AKAP13: variants seen among roughly 807,000 people sequenced by gnomAD.
AKAP13 encodes A-kinase anchor protein 13.
AKAP13 carries 80 observed loss-of-function variants against 264.5 expected under a neutral mutation model. The observed-to-expected ratio is 0.30, with a 90% CI of 0.25 to 0.36. The LOEUF is 0.36. Among genes scored for constraint, AKAP13 ranks in the 10% least tolerant of loss-of-function variants. The probability of loss-of-function intolerance (pLI) is 1.00; values close to 1 mark genes in which losing one functional copy is unlikely to be tolerated. For synonymous variants in AKAP13, 1,380 were observed against 1,250.2 expected (o/e 1.10, Z -2.19); for missense variants, 3,712 against 3,435.2 (o/e 1.08, Z -2.01).
intron 1 of AKAP13, among the ~76,000 whole-genome samples, chr15:85,410,080 G>T (rs1009859766): frequency 6.6e-6 from 1 of 151,554 alleles, no homozygotes; most frequent in Non-Finnish European, 1.5e-5. Flanking sequence ...AAAAAGGGTT[G>T]GTATTCACTT....
intron 10 of AKAP13, among the ~76,000 whole-genome samples, chr15:85,649,439 C>T (rs1567174677): frequency 6.6e-6 from 1 of 152,220 alleles, no homozygotes; most frequent in East Asian, 1.9e-4. Flanking sequence ...GTGTGCTATG[C>T]AAAATATCAG....
At chr15:85,528,098 G>C (rs1437556522) in intron 3 of AKAP13, among the ~76,000 whole-genome samples, 1 of 152,124 alleles carries the variant, frequency 6.6e-6, no homozygotes, top group African/African-American at 2.4e-5. Flanking sequence ...AGTAATTCTT[G>C]GGCTGTGCTT....
At chr15:85,662,439 C>CT in intron 12 of AKAP13, 1 of 1,614,154 alleles carries the variant, frequency 6.2e-7, no homozygotes. Context: ...TGAGTGCTGA[C>CT]TTTAATTACA....
chr15:85,678,984 A>G (rs909891194), intron 14 of AKAP13, among the ~76,000 whole-genome samples: 1 of 152,068 alleles, frequency 6.6e-6, no homozygotes, highest in Non-Finnish European at 1.5e-5. Context: ...TCATGCCTGT[A>G]ATCCCAGCAC....
chr15:85,743,992 C>T (rs998146887), intron 36 of AKAP13, 167 bp downstream of exon 36: 40 of 768,774 alleles, frequency 5.2e-5, no homozygotes, highest in African/African-American at 3.9e-4. Context: ...ACTCATGCAG[C>T]GAACATTAAG....
At chr15:85,630,489 G>A (rs1305453713) in intron 8 of AKAP13, among the ~76,000 whole-genome samples, 1 of 152,096 alleles carries the variant, frequency 6.6e-6, no homozygotes, top group East Asian at 1.9e-4. Flanking sequence ...CTTATTGACC[G>A]ACCTAACATT....
intron 36 of AKAP13, 147 bp from the exon 37 acceptor site, chr15:85,744,481 T>G (rs529028441): frequency 1.6e-4 from 128 of 821,352 alleles, no homozygotes; most frequent in Non-Finnish European, 2.3e-4. Context: ...ACCAAATTTG[T>G]TCAGAAACCC....
chr15:85,594,394 A>G (rs1433217252), intron 8 of AKAP13, among the ~76,000 whole-genome samples: 1 of 152,242 alleles, frequency 6.6e-6, no homozygotes, highest in Non-Finnish European at 1.5e-5. Flanking sequence ...AAATACAGGT[A>G]AACATATAGG....
At position 85,435,197 on chromosome 15, in the gene AKAP13, G is replaced by A. The variant is rs1192894917; in HGVS notation, c.-11-50513G>A. Among the ~76,000 whole-genome samples, 48 of 149,028 alleles carry A rather than the reference G, an allele frequency of 3.2e-4. 1 individual carries two copies. Among genetic ancestry groups the A allele is most frequent in the African/African-American group, 7.9e-4 (32 of 40,320 alleles). ...ATGCAGAAGCCTCAGGAGCCGATGC[G>A]ATCAACTGGAAGAAAGGGTATCAGC... On this transcript the variant is annotated intron_variant, in intron 1 of 36. Transcript: ENST00000394518.
At chr15:85,733,894 T>A (rs1246153948) in intron 30 of AKAP13, among the ~76,000 whole-genome samples, 2 of 133,092 alleles carry the variant, frequency 1.5e-5, no homozygotes, top group Non-Finnish European at 3.2e-5. Context: ...TTTTTTTTTT[T>A]GAGACAGAGT....
intron 1 of AKAP13, among the ~76,000 whole-genome samples, chr15:85,400,749 T>TC (rs1820077454): frequency 6.6e-6 from 1 of 152,042 alleles, no homozygotes. Flanking sequence ...CACCAGCTTG[T>TC]CTCTGTTTTG....
At chr15:85,696,381 C>G (rs1476831401) in intron 17 of AKAP13, among the ~76,000 whole-genome samples, 2 of 152,188 alleles carry the variant, frequency 1.3e-5, no homozygotes, top group African/African-American at 2.4e-5. Context: ...TAAGAAACCT[C>G]TAGTGTCACA....
At chr15:85,696,775 G>A (rs1802942641) in intron 17 of AKAP13, among the ~76,000 whole-genome samples, 1 of 152,240 alleles carries the variant, frequency 6.6e-6, no homozygotes, top group Non-Finnish European at 1.5e-5. Flanking sequence ...GGAACTCAGA[G>A]CAGTAAAGAG....
At chr15:85,608,079 C>T (rs1567152555) in intron 8 of AKAP13, among the ~76,000 whole-genome samples, 1 of 152,148 alleles carries the variant, frequency 6.6e-6, no homozygotes, top group Non-Finnish European at 1.5e-5. Flanking sequence ...GGGAAGTCTT[C>T]CATGGGAAGC....
chr15:85,524,258 A>G (rs1213985567), intron 3 of AKAP13, among the ~76,000 whole-genome samples: 1 of 135,552 alleles, frequency 7.4e-6, no homozygotes, highest in African/African-American at 2.9e-5. Context: ...GCTCACTGCA[A>G]CCTCCATCTC....
At chr15:85,677,081 A>G in intron 14 of AKAP13, 1 of 985,376 alleles carries the variant, frequency 1.0e-6, no homozygotes, top group Middle Eastern at 5.2e-4. Context: ...TCGAGTGATG[A>G]GGAGGAGGAG....
intron 10 of AKAP13, among the ~76,000 whole-genome samples, chr15:85,646,487 G>A (rs1227851264): frequency 6.6e-6 from 1 of 152,108 alleles, no homozygotes. Flanking sequence ...GTGAAATTGT[G>A]GCCAGTTAAA....
intron 17 of AKAP13, among the ~76,000 whole-genome samples, chr15:85,707,740 CGTT>C (rs1466262011): frequency 2.0e-5 from 3 of 151,848 alleles, no homozygotes; most frequent in African/African-American, 7.3e-5. Context: ...TCACTTGAGT[CGTT>C]GTTCCTCTCA....
chr15:85,748,264 C>T lies in AKAP13; in HGVS notation c.*3587C>T, dbSNP rs1211179057. On this transcript the variant is annotated 3_prime_UTR_variant, in exon 37 of 37. Coordinates refer to ENST00000394518, the MANE Select transcript of AKAP13 (RefSeq NM_007200.5). ...AAAGACAGTCCTGGTGAATGGGCTT[C>T]AAGTGGTCACAAAGAGGGTGGCTGT... 6.6e-6 allele frequency: 1 copy of T among 152,240 alleles called. No homozygotes were observed. The highest frequency in any genetic ancestry group is 2.4e-5 in the African/African-American group (1 of 41,432). 9.4% of individuals were successfully genotyped at this position (152,240 alleles called of 1,614,324 possible).
Sources: allele counts gnomAD v4.1 joint callset (sites outside exome capture counted in the v4.1 genomes callset), GRCh38; gene constraint gnomAD v4.1.1; transcripts MANE v1.5; gene names NCBI Gene and HGNC (gene_info 2026-07-23, HGNC 2026-07-21).